RASGRP3: variants seen among roughly 807,000 people sequenced by gnomAD.
RASGRP3 encodes ras guanyl-releasing protein 3.
RASGRP3 carries 54 observed loss-of-function variants against 82.7 expected under a neutral mutation model. The ratio of observed to expected loss-of-function variants is 0.65; its 90% confidence interval spans 0.52 to 0.82. RASGRP3 has a LOEUF of 0.82. Among genes scored for constraint, RASGRP3 ranks in the 40% least tolerant of loss-of-function variants. The pLI, the probability that RASGRP3 is intolerant of heterozygous loss-of-function variation, is 0.00. For synonymous variants in RASGRP3, 309 were observed against 300.5 expected, an observed-to-expected ratio of 1.03 and a Z score of -0.29; for missense variants, 861 against 828.9, an observed-to-expected ratio of 1.04 and a Z score of -0.48.
At chr2:33,486,922 C>T (rs28565307) in intron 1 of RASGRP3, among the ~76,000 whole-genome samples, 2,791 of 151,792 alleles carry the variant, frequency 0.018, 87 homozygotes, top group African/African-American at 0.064. Context: ...TGAAGCATGT[C>T]GGTATTTTTG....
At chr2:33,480,962 G>A (rs903633054) in intron 1 of RASGRP3, among the ~76,000 whole-genome samples, 2 of 152,100 alleles carry the variant, frequency 1.3e-5, no homozygotes, top group Admixed American at 6.5e-5. Context: ...CCGGCATAAG[G>A]CACTTTCTTG....
chr2:33,536,616 A>T (rs1233123217), intron 11 of RASGRP3, among the ~76,000 whole-genome samples: 2 of 151,422 alleles, frequency 1.3e-5, no homozygotes, highest in Non-Finnish European at 2.9e-5. Flanking sequence ...AAGTCTTTTT[A>T]TTTGTTGTAA....
At chr2:33,458,732 C>A (rs953176381) in intron 2 of RASGRP3, among the ~76,000 whole-genome samples, 1 of 152,158 alleles carries the variant, frequency 6.6e-6, no homozygotes, top group Non-Finnish European at 1.5e-5. Flanking sequence ...TCCACCAGCA[C>A]CATTGCATGC....
intron 1 of RASGRP3, among the ~76,000 whole-genome samples, chr2:33,509,677 A>T (rs535807246): frequency 6.6e-6 from 1 of 152,318 alleles, no homozygotes; most frequent in East Asian, 1.9e-4. Flanking sequence ...TCTGTGCTCC[A>T]TAAGATATTT....
Position 33,543,494 on chromosome 2 carries a change from C to G in RASGRP3, c.1279-18C>G. 6.7e-7 allele frequency: 1 copy of G among 1,487,776 alleles called. No homozygotes were observed. The highest frequency in any genetic ancestry group is 9.3e-7 in the Non-Finnish European group (1 of 1,074,172). The allele number at this position is 1,487,776 out of a possible 1,614,324, so 92.2% of individuals were successfully genotyped here. ...CTGCCTTATAGTCATTCAATAAATA[C>G]TTATCTTTCCTTTGCAGTCTGTATT... is the stretch of plus-strand genomic sequence containing the variant. On this transcript the variant is annotated intron_variant, in intron 12 of 17. Transcript: ENST00000403687.
intron 1 of RASGRP3, among the ~76,000 whole-genome samples, chr2:33,437,160 T>C (rs1664971873): frequency 6.6e-6 from 1 of 152,224 alleles, no homozygotes; most frequent in African/African-American, 2.4e-5. Flanking sequence ...CAGCACTGAA[T>C]AGTTTCCAGT....
intron 1 of RASGRP3, among the ~76,000 whole-genome samples, chr2:33,487,627 A>G (rs889388726): frequency 2.0e-5 from 3 of 152,232 alleles, no homozygotes; most frequent in Non-Finnish European, 2.9e-5. Flanking sequence ...TATTACCCTC[A>G]AACAAAAGTT....
In RASGRP3 at chr2:33,451,118, C is replaced by G. The variant is rs530886073; in HGVS notation, c.-261+3175C>G. 1.5e-4 allele frequency among the ~76,000 whole-genome samples: 23 copies of G among 152,136 alleles called. No individual in the cohort carries two copies. In the South Asian group the frequency reaches 4.8e-3, roughly 32 times the overall value. On this transcript the variant is annotated intron_variant, in intron 2 of 18. Coordinates refer to the RASGRP3 transcript ENST00000402538. The stretch of plus-strand genomic sequence containing the variant: ...TGACCTCGTGATCTGCCCGCCTCAG[C>G]CTCCCAAAGTGCTGGGATTACAGGT...
intron 3 of RASGRP3, 95 bp downstream of exon 3, chr2:33,515,301 C>T (rs1165948219): frequency 1.5e-6 from 2 of 1,344,036 alleles, no homozygotes; most frequent in Non-Finnish European, 2.1e-6. Context: ...AGAGTTCAGT[C>T]TCTGTACCTT....
intron 2 of RASGRP3, among the ~76,000 whole-genome samples, chr2:33,513,347 C>A (rs1487534214): frequency 6.6e-6 from 1 of 152,182 alleles, no homozygotes; most frequent in Admixed American, 6.5e-5. Flanking sequence ...TACAACCATA[C>A]ATATGGACAT....
upstream of RASGRP3, chr2:33,476,503 G>C (rs139196153): frequency 1.3e-5 from 2 of 152,360 alleles, no homozygotes; most frequent in Non-Finnish European, 2.9e-5. Context: ...GGGGTTATGA[G>C]GTGGTTTGCG....
chr2:33,478,624 A>G (rs892314011), intron 1 of RASGRP3, among the ~76,000 whole-genome samples: 1 of 152,200 alleles, frequency 6.6e-6, no homozygotes, highest in Non-Finnish European at 1.5e-5. Flanking sequence ...ATAGCAAAAT[A>G]ATAAAAAATA....
chr2:33,448,095 A>T (rs1489513341), intron 2 of RASGRP3, among the ~76,000 whole-genome samples: 1 of 152,186 alleles, frequency 6.6e-6, no homozygotes, highest in Non-Finnish European at 1.5e-5. Flanking sequence ...GTTCTTCCTC[A>T]TTTGATGATG....
chr2:33,510,392 C>T (rs1670815480), intron 1 of RASGRP3, among the ~76,000 whole-genome samples: 1 of 152,184 alleles, frequency 6.6e-6, no homozygotes, highest in Non-Finnish European at 1.5e-5. Flanking sequence ...TTCCTAGATA[C>T]CGTCTGGGAA....
At chr2:33,562,537 C>G (rs918139314) in intron 17 of RASGRP3, among the ~76,000 whole-genome samples, 192 bp from the exon 18 acceptor site, 1 of 152,150 alleles carries the variant, frequency 6.6e-6, no homozygotes, top group African/African-American at 2.4e-5. Context: ...TCCCAAAGCT[C>G]TGGGATTATA....
chr2:33,539,497 T>C (rs1017190049), intron 12 of RASGRP3: 1 of 251,942 alleles, frequency 4.0e-6, no homozygotes, highest in Non-Finnish European at 7.5e-6. Flanking sequence ...GCTCAAGGGA[T>C]TGGGGATTAG....
intron 17 of RASGRP3, 95 bp from the exon 18 acceptor site, chr2:33,562,634 T>G (rs1028175684): frequency 1.5e-6 from 2 of 1,343,878 alleles, no homozygotes; most frequent in Non-Finnish European, 2.1e-6. Context: ...ATTTCAGATG[T>G]TCCCTCAAAG....
At chr2:33,537,330 C>CCCCCCCCCA (rs66749495) in intron 11 of RASGRP3, among the ~76,000 whole-genome samples, 5 of 95,706 alleles carry the variant, frequency 5.2e-5, no homozygotes, top group African/African-American at 9.1e-5. Context: ...ACCGCCCCCC[C>CCCCCCCCCA]CACACACACA....
chr2:33,463,621 C>CA, intron 2 of RASGRP3, among the ~76,000 whole-genome samples: 1 of 117,620 alleles, frequency 8.5e-6, no homozygotes, highest in Non-Finnish European at 1.7e-5. Context: ...TTTTTTGAGA[C>CA]AGAGTCTCGC....
Sources: gnomAD v4.1 joint callset for allele counts (sites outside exome capture counted in the v4.1 genomes callset) on GRCh38, gnomAD v4.1.1 for gene constraint, MANE v1.5 for transcripts, NCBI Gene and HGNC (gene_info 2026-07-23, HGNC 2026-07-21) for gene names.